FHIT: variants seen among roughly 807,000 people sequenced by gnomAD.
The protein encoded by FHIT is fragile histidine triad diadenosine triphosphatase, also known as bis(5'-adenosyl)-triphosphatase.
FHIT carries 19 observed loss-of-function variants against 17.9 expected under a neutral mutation model. The ratio of observed to expected loss-of-function variants is 1.06; its 90% CI spans 0.74 to 1.56. FHIT has a LOEUF of 1.56. FHIT is among the 40% of genes most tolerant of loss of function. The probability of loss-of-function intolerance (pLI) is 0.00; values close to 1 mark genes in which losing one functional copy is unlikely to be tolerated. For missense variants in FHIT, 248 were observed against 189.2 expected, an observed-to-expected ratio of 1.31 and a Z score of -1.82; for synonymous variants, 81 against 69.7, an observed-to-expected ratio of 1.16 and a Z score of -0.81.
Position 60,005,460 on chromosome 3 carries a change from G to A in FHIT, c.279+5911C>T, listed in dbSNP as rs1699889733. Among the ~76,000 whole-genome samples the A allele has an allele frequency of 1.3e-5, 2 of 152,046 alleles. 1 individual carries two copies. ...GCCTCAAATCACCAGGAGCGGGAGAGGGAGGGGAAGTCAGAGATATTTACA... is the reference window on the plus strand; with the variant it reads ...GCCTCAAATCACCAGGAGCGGGAGAAGGAGGGGAAGTCAGAGATATTTACA... On this transcript the variant is annotated intron_variant, in intron 7 of 9. Transcript: ENST00000492590.
chr3:59,838,722 T>C (rs1411664449), intron 8 of FHIT, among the ~76,000 whole-genome samples: 3 of 152,190 alleles, frequency 2.0e-5, no homozygotes, highest in African/African-American at 4.8e-5. Context: ...GACTGGAGAT[T>C]GATAATGCTC....
At chr3:60,376,470 C>T (rs1475409744) in intron 5 of FHIT, among the ~76,000 whole-genome samples, 2 of 152,150 alleles carry the variant, frequency 1.3e-5, no homozygotes, top group Non-Finnish European at 2.9e-5. Flanking sequence ...ACAGATTTTT[C>T]ATAAACACAA....
At chr3:59,931,178 T>G (rs1420780556) in intron 7 of FHIT, among the ~76,000 whole-genome samples, 1 of 152,212 alleles carries the variant, frequency 6.6e-6, no homozygotes, top group Admixed American at 6.5e-5. Flanking sequence ...GACATTAGTT[T>G]TAAAAATAAT....
chr3:60,112,117 G>C (rs1704700209), intron 5 of FHIT, among the ~76,000 whole-genome samples: 1 of 152,174 alleles, frequency 6.6e-6, no homozygotes, highest in South Asian at 2.1e-4. Flanking sequence ...TGTCAGTTGG[G>C]TTCAAGTACA....
chr3:60,028,583 A>G (rs1700853021), intron 5 of FHIT, among the ~76,000 whole-genome samples: 1 of 152,200 alleles, frequency 6.6e-6, no homozygotes, highest in African/African-American at 2.4e-5. Flanking sequence ...GGATAATCGA[A>G]AGAGGGAACT....
intron 1 of FHIT, among the ~76,000 whole-genome samples, chr3:61,201,954 G>A (rs1394555155): frequency 1.3e-5 from 2 of 149,600 alleles, no homozygotes; most frequent in African/African-American, 2.6e-5. Context: ...GTGTATGTGT[G>A]TATATATATG....
intron 2 of FHIT, among the ~76,000 whole-genome samples, chr3:61,098,054 T>C (rs191303596): frequency 1.3e-5 from 2 of 152,292 alleles, no homozygotes; most frequent in East Asian, 3.9e-4. Flanking sequence ...TATTGCCTAG[T>C]TGATTTCCAG....
intron 5 of FHIT, among the ~76,000 whole-genome samples, chr3:60,397,354 A>G (rs1289168214): frequency 1.3e-5 from 2 of 152,110 alleles, no homozygotes; most frequent in Non-Finnish European, 2.9e-5. Flanking sequence ...TGTGAAGCAG[A>G]GGAAGAGATA....
chr3:60,526,500 T>G (rs1200567330), intron 5 of FHIT, among the ~76,000 whole-genome samples: 2 of 152,124 alleles, frequency 1.3e-5, no homozygotes, highest in Admixed American at 1.3e-4. Context: ...TTGGTGCTTC[T>G]GGGCTTCTTC....
At chr3:60,604,146 C>A (rs571052945) in intron 4 of FHIT, among the ~76,000 whole-genome samples, 36 of 152,228 alleles carry the variant, frequency 2.4e-4, no homozygotes, top group African/African-American at 8.7e-4. Flanking sequence ...TTTAAAAATA[C>A]AAGGATTTAC....
chr3:60,467,178 G>A (rs1013046194), intron 5 of FHIT, among the ~76,000 whole-genome samples: 1 of 151,690 alleles, frequency 6.6e-6, no homozygotes, highest in African/African-American at 2.4e-5. Flanking sequence ...ATCTTCTAAT[G>A]ATCTTTGAAT....
chr3:60,077,729 C>CACACACACATAT (rs1559611496), intron 5 of FHIT, among the ~76,000 whole-genome samples: 3 of 67,184 alleles, frequency 4.5e-5, no homozygotes, highest in African/African-American at 1.5e-4. Context: ...CACACACACA[C>CACACACACATAT]ATATATAGAG....
At chr3:60,115,328 C>G (rs1456167032) in intron 5 of FHIT, among the ~76,000 whole-genome samples, 1 of 152,030 alleles carries the variant, frequency 6.6e-6, no homozygotes, top group Non-Finnish European at 1.5e-5. Context: ...GGTACAAATC[C>G]TTTATTAGAA....
intron 2 of FHIT, among the ~76,000 whole-genome samples, chr3:61,172,245 AT>A (rs2038027318): frequency 1.3e-5 from 2 of 152,358 alleles, no homozygotes; most frequent in South Asian, 4.1e-4. Flanking sequence ...AAGAGCATAT[AT>A]AAAGACATTA....
intron 3 of FHIT, among the ~76,000 whole-genome samples, chr3:60,860,564 CAGGTATATATGATACATATGTATCATATA>C (rs1703703317): frequency 1.6e-5 from 1 of 64,016 alleles, no homozygotes; most frequent in Non-Finnish European, 3.2e-5. Context: ...TATCATATAT[CAGGTATATATGATACATATGTATCATATA>C]TCAGGTATAT....
chr3:60,353,619 A>AT (rs910391581), intron 5 of FHIT, among the ~76,000 whole-genome samples: 2 of 152,106 alleles, frequency 1.3e-5, no homozygotes, highest in African/African-American at 4.8e-5. Context: ...GAGATTTTTT[A>AT]TTTTTTTAAA....
chr3:61,102,334 T>C (rs1576016687), intron 2 of FHIT, among the ~76,000 whole-genome samples: 3 of 152,344 alleles, frequency 2.0e-5, no homozygotes, highest in Admixed American at 2.0e-4. Context: ...TGTCTTTGGT[T>C]CTGTTTATGT....
chr3:60,553,551 A>G (rs1260436878), intron 4 of FHIT, among the ~76,000 whole-genome samples: 1 of 148,676 alleles, frequency 6.7e-6, no homozygotes, highest in African/African-American at 2.5e-5. Flanking sequence ...AGAGAGAGAG[A>G]GAGAGAGAGG....
intron 5 of FHIT, among the ~76,000 whole-genome samples, chr3:60,445,866 A>G (rs1006198420): frequency 6.6e-6 from 1 of 152,146 alleles, no homozygotes; most frequent in Non-Finnish European, 1.5e-5. Flanking sequence ...ATGCAGAGAG[A>G]AAATGTGAAA....
Sources: allele counts gnomAD v4.1 joint callset (sites outside exome capture counted in the v4.1 genomes callset), GRCh38; gene constraint gnomAD v4.1.1; transcripts MANE v1.5; gene names NCBI Gene and HGNC (gene_info 2026-07-23, HGNC 2026-07-21).